The following SPTB variants were observed in gnomAD, a reference collection of about 807,000 sequenced individuals.
SPTB encodes spectrin beta chain, erythrocytic.
Under a neutral mutation model 256.2 loss-of-function variants are expected in SPTB, and 45 were observed. The ratio of observed to expected loss-of-function variants is 0.18; its 90% CI spans 0.14 to 0.23. The LOEUF is 0.23. Among genes scored for constraint, SPTB ranks in the 10% least tolerant of loss-of-function variants. SPTB has a pLI of 1.00. For missense variants in SPTB, 2,715 were observed against 3,040.4 expected (o/e 0.89, Z 2.52); for synonymous variants, 1,231 against 1,243.1 (o/e 0.99, Z 0.21).
chr14:64,756,569 A>AAAAT (rs71123882), intron 32 of SPTB: 7 of 152,126 alleles, frequency 4.6e-5, no homozygotes, highest in Admixed American at 1.3e-4. Flanking sequence ...ACTCTGTCAC[A>AAAAT]AAATAAATAA....
Position 64,767,584 on chromosome 14 carries a change from T to G in SPTB, c.6219+79A>C. Reference sequence around the variant, plus strand: ...CACACCATTCTAAGTACCTAACAACTGGCCTGGAGTCCTTACATGAGACCC... The same window carrying G: ...CACACCATTCTAAGTACCTAACAACGGGCCTGGAGTCCTTACATGAGACCC... On this transcript the variant is annotated intron_variant, in intron 30 of 35. Transcript: ENST00000644917. The G allele has an allele frequency of 1.9e-6, 3 of 1,561,104 alleles. No individual in the cohort carries two copies. The East Asian group carries it at 6.7e-5, about 35-fold the overall frequency.
At chr14:64,864,889 C>T (rs1882070593) in intron 1 of SPTB, among the ~76,000 whole-genome samples, 2 of 152,084 alleles carry the variant, frequency 1.3e-5, no homozygotes, top group African/African-American at 4.8e-5. Context: ...ATCAGGAGAC[C>T]AGGGTTTCAC....
In SPTB at chr14:64,785,939, C is replaced by G. The variant is rs759671854; in HGVS notation, c.3574G>C (p.Ala1192Pro). Residue 1192 changes from alanine to proline, a missense_variant, in exon 17 of 36, where the codon GCT becomes CCT. Physicochemically the swap from Ala to Pro is conservative, Grantham distance 27. Transcript: ENST00000644917. The surrounding 1 kb of genome is among the most constrained non-coding windows in gnomAD (Gnocchi z 4.4). ...AILSNQEYTL[A>P]HLEPPDSLEA... The stretch of plus-strand genomic sequence containing the variant: ...AGGGAGTCTGGGGGCTCCAAGTGAG[C>G]CAGAGTGTATTCCTGTTGGAACAAG... 2 of 1,614,036 alleles carry G rather than the reference C, an allele frequency of 1.2e-6. No individual in the cohort carries two copies. The highest frequency in any genetic ancestry group is 8.5e-7 in the Non-Finnish European group (1 of 1,180,000).
chr14:64,800,230 C>T (rs528182844), intron 8 of SPTB, among the ~76,000 whole-genome samples: 1 of 152,364 alleles, frequency 6.6e-6, no homozygotes, highest in African/African-American at 2.4e-5. Flanking sequence ...GCCAGGATGC[C>T]AGCCACTAGG....
Position 64,852,032 on chromosome 14 carries a change from A to G in SPTB, c.-52+27760T>C, listed in dbSNP as rs2083796922. ...ATGTACCCCGGAACTTAAAATAAAA[A>G]TATTTAAAAAGCCCCCAGTAGCTTG... On this transcript the variant is annotated intron_variant, in intron 1 of 35. Coordinates refer to ENST00000644917, the MANE Select transcript of SPTB (RefSeq NM_001355436.2). The surrounding 1 kb of genome is among the most constrained non-coding windows in gnomAD (Gnocchi z 4.2). 6.6e-6 allele frequency among the ~76,000 whole-genome samples: 1 copy of G among 152,196 alleles called. No homozygotes were observed. The highest frequency in any genetic ancestry group is 2.4e-5 in the African/African-American group (1 of 41,440).
chr14:64,755,342 G>A (rs1227861719), intron 32 of SPTB: 3 of 152,358 alleles, frequency 2.0e-5, no homozygotes, highest in East Asian at 3.9e-4. Context: ...GTCTGCCTGA[G>A]GTGGCCTTAG....
rs369083256 is a variant in SPTB at position 64,825,824 on chromosome 14, G to C, written c.-51-2679C>G. On this transcript the variant is annotated intron_variant, in intron 1 of 35. Transcript: ENST00000644917. This position sits in a 1 kb window ranked among gnomAD's most constrained non-coding sequence, Gnocchi z 4.8. ...CGTTCAAGACAAGATTGATGGCCCC[G>C]GGTGCAGAAGAGCAGCGGCTCGACA... Among the ~76,000 whole-genome samples the C allele has an allele frequency of 6.6e-6, 1 of 152,218 alleles. No homozygotes were observed. Among genetic ancestry groups the C allele is most frequent in the Non-Finnish European group, 1.5e-5 (1 of 68,038 alleles).
intron 1 of SPTB, among the ~76,000 whole-genome samples, chr14:64,877,219 C>T (rs1882867562): frequency 6.6e-6 from 1 of 151,660 alleles, no homozygotes; most frequent in African/African-American, 2.4e-5. Flanking sequence ...AAACAATGAC[C>T]TGAAAATAAT....
intron 2 of SPTB, among the ~76,000 whole-genome samples, chr14:64,811,469 A>G (rs1250778874): frequency 3.3e-5 from 5 of 152,250 alleles, no homozygotes; most frequent in Non-Finnish European, 7.3e-5. Context: ...TATCAAGTGT[A>G]TATTAGGTTA....
chr14:64,875,072 A>G (rs1255290199), intron 1 of SPTB, among the ~76,000 whole-genome samples: 3 of 152,184 alleles, frequency 2.0e-5, no homozygotes, highest in Non-Finnish European at 4.4e-5. Flanking sequence ...TTCTACCCTC[A>G]GCCAGGTCTG....
chr14:64,871,367 A>G (rs1401013123), intron 1 of SPTB, among the ~76,000 whole-genome samples: 4 of 152,196 alleles, frequency 2.6e-5, no homozygotes, highest in Non-Finnish European at 5.9e-5. Context: ...AAAAGAGTAG[A>G]AAAAAAGAGA....
intron 27 of SPTB, among the ~76,000 whole-genome samples, chr14:64,769,992 A>G (rs1175578092): frequency 1.3e-5 from 2 of 152,232 alleles, no homozygotes; most frequent in African/African-American, 4.8e-5. Context: ...AGTGGGCAAT[A>G]AAAAGGAATG....
At chr14:64,784,783 G>A (rs1471664889) in intron 18 of SPTB, among the ~76,000 whole-genome samples, 1 of 152,232 alleles carries the variant, frequency 6.6e-6, no homozygotes, top group Non-Finnish European at 1.5e-5. Context: ...AGGAAAAAAT[G>A]TTATTTGAGG....
chr14:64,749,923 G>A lies in SPTB; in HGVS notation c.6776+58C>T, dbSNP rs919799862. On this transcript the variant is annotated intron_variant, in intron 34 of 35. Coordinates refer to ENST00000644917, the MANE Select transcript of SPTB (RefSeq NM_001355436.2). The surrounding 1 kb of genome is among the most constrained non-coding windows in gnomAD (Gnocchi z 4.7). ...GTCCCCTACAGAGGGCCTCTGCCCT[G>A]CCACTAATGCCAAATCAAGCCATCA... is the stretch of plus-strand genomic sequence containing the variant. The A allele has an allele frequency of 5.0e-6, 8 of 1,609,750 alleles. No individual in the cohort carries two copies. The African/African-American group carries it at 5.3e-5, about 11-fold the overall frequency.
intron 32 of SPTB, among the ~76,000 whole-genome samples, chr14:64,765,805 G>GGTGT (rs71444677): frequency 6.7e-6 from 1 of 149,068 alleles, no homozygotes; most frequent in Non-Finnish European, 1.5e-5. Context: ...GAGTGATTGG[G>GGTGT]GTGTGTGTGT....
intron 13 of SPTB, 70 bp downstream of exon 13, chr14:64,794,397 T>C: frequency 1.3e-6 from 2 of 1,582,000 alleles, no homozygotes; most frequent in East Asian, 2.2e-5. Flanking sequence ...TTTATCCAAG[T>C]TGGGTTGTTA....
rs1277645117 is a variant in SPTB, at chr14:64,792,392, C to A, written c.2667-536G>T. Among the ~76,000 whole-genome samples, 4 of 152,214 alleles carry A rather than the reference C, an allele frequency of 2.6e-5. No homozygotes were observed. Among genetic ancestry groups the A allele is most frequent in the African/African-American group, 9.6e-5 (4 of 41,452 alleles). Reference sequence around the variant, plus strand: ...TTCTAGGGTAAGAGCCCAGGACTCTCCAGCATCAGTGCAGCACCACCTTGG... The same window carrying A: ...TTCTAGGGTAAGAGCCCAGGACTCTACAGCATCAGTGCAGCACCACCTTGG... On this transcript the variant is annotated intron_variant, in intron 14 of 35. Transcript: ENST00000644917. The surrounding 1 kb of genome is among the most constrained non-coding windows in gnomAD (Gnocchi z 4.2).
At chr14:64,861,972 AC>A (rs1226213849) in intron 1 of SPTB, among the ~76,000 whole-genome samples, 1 of 151,350 alleles carries the variant, frequency 6.6e-6, no homozygotes, top group Non-Finnish European at 1.5e-5. Flanking sequence ...TCCTACACCC[AC>A]CCCTTCAATG....
At position 64,792,871 on chromosome 14, in the gene SPTB, A is replaced by G. The variant is rs1941568140; in HGVS notation, c.2666+126T>C. 3 of 1,364,574 alleles carry G rather than the reference A, an allele frequency of 2.2e-6. No individual in the cohort carries two copies. The highest frequency in any genetic ancestry group is 3.1e-6 in the Non-Finnish European group (3 of 982,214). 84.5% of individuals were successfully genotyped at this position (1,364,574 alleles called of 1,614,324 possible). A position where few individuals can be genotyped will look rare whatever the true frequency, so the allele number is the denominator to read the frequency against. ...ATGACTCCTAATGCCAGGACTTTGC[A>G]ACAAAGGACATCCCAGGGCCTCTCA... On this transcript the variant is annotated intron_variant, in intron 14 of 35. Transcript: ENST00000644917. This position sits in a 1 kb window ranked among gnomAD's most constrained non-coding sequence, Gnocchi z 4.2.
Sources: gnomAD v4.1 joint callset for allele counts (sites outside exome capture counted in the v4.1 genomes callset) on GRCh38, gnomAD v4.1.1 for gene constraint, Gnocchi (gnomAD v3.1) non-coding constraint, MANE v1.5 for transcripts, NCBI Gene and HGNC (gene_info 2026-07-23, HGNC 2026-07-21) for gene names.